Variants in ZBTB44 observed in about 807,000 individuals in gnomAD.
ZBTB44 encodes zinc finger and BTB domain-containing protein 44.
A neutral mutation model predicts 54.0 loss-of-function variants in ZBTB44; 15 were observed. The ratio of observed to expected loss-of-function variants is 0.28; its 90% CI spans 0.19 to 0.43. The LOEUF (loss-of-function observed/expected upper bound fraction) is 0.43, where lower values mean the gene tolerates loss of function less well. ZBTB44 is among the 20% of genes least tolerant of loss of function. The probability of loss-of-function intolerance (pLI) is 1.00; values close to 1 mark genes in which losing one functional copy is unlikely to be tolerated. For synonymous variants in ZBTB44, 230 were observed against 250.1 expected, an observed-to-expected ratio of 0.92 and a Z score of 0.76; for missense variants, 487 against 707.1, an observed-to-expected ratio of 0.69 and a Z score of 3.53.
chr11:130,284,174 A>T (rs1247707204), intron 1 of ZBTB44, among the ~76,000 whole-genome samples: 2 of 152,134 alleles, frequency 1.3e-5, no homozygotes, highest in Admixed American at 1.3e-4. Flanking sequence ...AAATTTTTTC[A>T]CATTTAATAT....
At position 130,238,604 on chromosome 11, in the gene ZBTB44, C is replaced by T. The variant is rs2136284683; in HGVS notation, c.1107G>A (p.Leu369=). ...TNAPPDDDDR[L]ENVQYPYQLY... is the part of the protein sequence containing the mutation. ...GTTGGTAGGGATACTGAACATTTTCCAATCTAAAAAAAACAGACCAAAGAA... is the reference window on the plus strand; with the variant it reads ...GTTGGTAGGGATACTGAACATTTTCTAATCTAAAAAAAACAGACCAAAGAA... Residue 369 remains leucine (L), a synonymous_variant, in exon 4 of 8, where the codon TTG becomes TTA. Coordinates refer to ENST00000357899, the MANE Select transcript of ZBTB44 (RefSeq NM_001301098.2). 6.2e-7 allele frequency: 1 copy of T among 1,607,314 alleles called. No homozygotes were observed. The highest frequency in any genetic ancestry group is 2.2e-5 in the East Asian group (1 of 44,746).
intron 1 of ZBTB44, among the ~76,000 whole-genome samples, chr11:130,282,850 T>C (rs527355302): frequency 3.3e-5 from 5 of 152,194 alleles, no homozygotes; most frequent in African/African-American, 7.2e-5. Flanking sequence ...AAGGAGATTT[T>C]TGTTTAAATT....
At chr11:130,295,018 C>T (rs957201290) in intron 1 of ZBTB44, among the ~76,000 whole-genome samples, 2 of 152,062 alleles carry the variant, frequency 1.3e-5, no homozygotes, top group East Asian at 1.9e-4. Context: ...ACGTCAGCCC[C>T]GAGAACTGAG....
chr11:130,248,760 G>A (rs1467142256), intron 2 of ZBTB44, among the ~76,000 whole-genome samples: 1 of 152,112 alleles, frequency 6.6e-6, no homozygotes, highest in African/African-American at 2.4e-5. Context: ...ATAGGTAACA[G>A]ATTCTACTTA....
At chr11:130,238,729 CTG>C (rs1220640754) in intron 3 of ZBTB44, 122 bp from the exon 4 acceptor site, 2 of 1,021,880 alleles carry the variant, frequency 2.0e-6, no homozygotes. Context: ...AACAGTTTAA[CTG>C]TTAGACTTCA....
intron 2 of ZBTB44, among the ~76,000 whole-genome samples, chr11:130,259,237 T>A (rs1051084541): frequency 3.9e-5 from 6 of 152,188 alleles, no homozygotes; most frequent in Non-Finnish European, 8.8e-5. Flanking sequence ...AAATTTCATA[T>A]GGAAATTTAA....
At chr11:130,250,324 C>T (rs1224553148) in intron 2 of ZBTB44, among the ~76,000 whole-genome samples, 1 of 152,212 alleles carries the variant, frequency 6.6e-6, no homozygotes, top group African/African-American at 2.4e-5. Flanking sequence ...GAAGGGGCGG[C>T]TGTGGGCGCA....
intron 2 of ZBTB44, among the ~76,000 whole-genome samples, chr11:130,251,809 C>A (rs1369380110): frequency 6.6e-6 from 1 of 152,150 alleles, no homozygotes; most frequent in African/African-American, 2.4e-5. Flanking sequence ...CCAGCCACTG[C>A]AAAAACACAC....
intron 1 of ZBTB44, among the ~76,000 whole-genome samples, chr11:130,287,943 C>G (rs1405210578): frequency 7.8e-6 from 1 of 128,838 alleles, no homozygotes; most frequent in African/African-American, 3.0e-5. Context: ...ACATAGTTTT[C>G]AAGAAACTAA....
At chr11:130,258,577 A>T (rs1324240940) in intron 2 of ZBTB44, among the ~76,000 whole-genome samples, 1 of 152,240 alleles carries the variant, frequency 6.6e-6, no homozygotes, top group Non-Finnish European at 1.5e-5. Flanking sequence ...TGCTAGTTGC[A>T]TACTCAATAT....
chr11:130,269,843 C>G (rs370712234), intron 1 of ZBTB44, among the ~76,000 whole-genome samples: 1 of 151,966 alleles, frequency 6.6e-6, no homozygotes, highest in Non-Finnish European at 1.5e-5. Flanking sequence ...CCAAGATAGC[C>G]AAGAGGATTA....
At chr11:130,304,654 C>T (rs1384041174) in intron 1 of ZBTB44, among the ~76,000 whole-genome samples, 2 of 152,086 alleles carry the variant, frequency 1.3e-5, no homozygotes, top group South Asian at 2.1e-4. Flanking sequence ...CAGTGCTCTA[C>T]ATATTCAGAG....
chr11:130,236,959 C>T lies in ZBTB44; in HGVS notation c.1402G>A (p.Gly468Arg). 7 of 1,613,114 alleles carry T rather than the reference C, an allele frequency of 4.3e-6. No individual in the cohort carries two copies. The highest frequency in any genetic ancestry group is 5.9e-6 in the Non-Finnish European group (7 of 1,179,536). The change falls in exon 5 of 8, where the codon GGG becomes AGG. Residue 468 changes from glycine to arginine, a missense_variant. Gly to Arg is a moderately radical substitution (Grantham distance 125). Around this residue, in one of 3 missense-constraint regions of ZBTB44, gnomAD observed 120 missense variants for 240.3 expected, o/e 0.50. Transcript: ENST00000357899. The part of the protein sequence containing the change: ...QICSATFTSF[G>R]EYKHHMRVSR... ...ACCCTCATGTGGTGTTTATATTCCC[C>T]GAAGGAAGTGAAAGTGGCACTACAT... is the stretch of plus-strand genomic sequence containing the variant.
Position 130,261,160 on chromosome 11 carries a change from T to G in ZBTB44, c.714A>C (p.Arg238=), listed in dbSNP as rs144243859. ...FPWTFPFGID[R]RIQPEKVKQA... ...GCTTAACTTTCTCAGGCTGAATCCT[T>G]CGATCAATTCCAAAAGGAAAAGTCC... Residue 238 remains arginine (R), a synonymous_variant, in exon 2 of 8, where the codon CGA becomes CGC. Transcript: ENST00000357899. This position sits in a 1 kb window ranked among gnomAD's most constrained non-coding sequence, Gnocchi z 4.8. The G allele has an allele frequency of 5.3e-5, 86 of 1,613,996 alleles. No individual in the cohort carries two copies. The highest frequency in any genetic ancestry group is 6.9e-5 in the Non-Finnish European group (82 of 1,179,898).
At chr11:130,258,090 C>G (rs978317639) in intron 2 of ZBTB44, among the ~76,000 whole-genome samples, 1 of 151,984 alleles carries the variant, frequency 6.6e-6, no homozygotes, top group African/African-American at 2.4e-5. Flanking sequence ...TGCTAAAATG[C>G]TATTGATTCA....
chr11:130,236,187 T>C (rs1181421958), intron 5 of ZBTB44: 1 of 1,286,718 alleles, frequency 7.8e-7, no homozygotes, highest in Non-Finnish European at 1.0e-6. Context: ...GTGGCAGAGC[T>C]AGATCTAGAA....
intron 1 of ZBTB44, chr11:130,296,896 C>T (rs181138038): frequency 1.6e-5 from 12 of 730,210 alleles, no homozygotes; most frequent in East Asian, 1.5e-4. Context: ...TTCAAAGTGC[C>T]TGCCTTTGTT....
chr11:130,272,043 A>G (rs918001346), intron 1 of ZBTB44, among the ~76,000 whole-genome samples: 2 of 152,060 alleles, frequency 1.3e-5, no homozygotes, highest in African/African-American at 4.8e-5. Context: ...CAGCCTGGCC[A>G]ATATGGTGAA....
intron 1 of ZBTB44, 70 bp downstream of exon 1, chr11:130,314,305 G>C (rs1942813374): frequency 6.6e-6 from 1 of 152,496 alleles, no homozygotes; most frequent in Non-Finnish European, 1.5e-5. Flanking sequence ...GGGCCACGCG[G>C]TGTCAGCCAC....
Sources: allele counts gnomAD v4.1 joint callset (sites outside exome capture counted in the v4.1 genomes callset), GRCh38; gene constraint gnomAD v4.1.1; regional missense constraint gnomAD v4.1.1; non-coding constraint Gnocchi (gnomAD v3.1); transcripts MANE v1.5; gene names NCBI Gene and HGNC (gene_info 2026-07-23, HGNC 2026-07-21).